Variants in PHF20 observed in about 807,000 individuals in gnomAD.
The protein encoded by PHF20 is PHD finger protein 20.
PHF20 carries 23 observed loss-of-function variants against 113.5 expected under a neutral mutation model. The ratio of observed to expected loss-of-function variants is 0.20; its 90% CI spans 0.15 to 0.29. The LOEUF (loss-of-function observed/expected upper bound fraction) is 0.29, where lower values mean the gene tolerates loss of function less well. Ranked by LOEUF, PHF20 falls within the 10% of genes least tolerant of loss-of-function variation. The pLI is 1.00. For synonymous variants in PHF20, 434 were observed against 457.3 expected, an observed-to-expected ratio of 0.95 and a Z score of 0.65; for missense variants, 943 against 1,219.6, an observed-to-expected ratio of 0.77 and a Z score of 3.38.
chr20:35,903,021 C>CTTT (rs370237613), intron 10 of PHF20, among the ~76,000 whole-genome samples: 42 of 91,492 alleles, frequency 4.6e-4, no homozygotes, highest in African/African-American at 8.8e-4. Context: ...TTTCTTTTTT[C>CTTT]TTTTTTTTTT....
chr20:35,843,924 A>G (rs367560128), intron 3 of PHF20, among the ~76,000 whole-genome samples: 2 of 152,082 alleles, frequency 1.3e-5, no homozygotes, highest in African/African-American at 4.8e-5. Flanking sequence ...ACTGTATTCC[A>G]TTTTTCTAAA....
chr20:35,833,010 C>A (rs1436374213), intron 2 of PHF20, among the ~76,000 whole-genome samples: 4 of 145,648 alleles, frequency 2.7e-5, no homozygotes, highest in Admixed American at 1.4e-4. Flanking sequence ...GAGATCACAC[C>A]ACTGTACTCC....
At chr20:35,899,257 C>A in intron 9 of PHF20, 113 bp from the exon 10 acceptor site, 2 of 826,166 alleles carry the variant, frequency 2.4e-6, no homozygotes, top group Non-Finnish European at 3.7e-6. Context: ...TCTGATGTCT[C>A]AGGCTACATT....
chr20:35,893,177 G>A (rs1053386535), intron 9 of PHF20, among the ~76,000 whole-genome samples: 3 of 152,230 alleles, frequency 2.0e-5, no homozygotes, highest in Non-Finnish European at 4.4e-5. Flanking sequence ...AGGAATCAAG[G>A]ATTTTGCTTT....
chr20:35,859,630 C>G lies in PHF20; in HGVS notation c.420+1249C>G, dbSNP rs139471326. 8.9e-3 allele frequency among the ~76,000 whole-genome samples: 1,345 copies of G among 151,846 alleles called. 23 individuals carry two copies. The highest frequency in any genetic ancestry group is 0.031 in the African/African-American group (1,287 of 41,430). ...CGCAATCTTGGCCCACTGCAACTTCCCCGCCTCCCCAGTTCAAGTGATTCT... is the reference window on the plus strand; with the variant it reads ...CGCAATCTTGGCCCACTGCAACTTCGCCGCCTCCCCAGTTCAAGTGATTCT... On this transcript the variant is annotated intron_variant, in intron 5 of 17. Transcript: ENST00000374012.
chr20:35,884,514 T>G (rs1219141086), intron 9 of PHF20, among the ~76,000 whole-genome samples: 1 of 152,202 alleles, frequency 6.6e-6, no homozygotes, highest in Non-Finnish European at 1.5e-5. Flanking sequence ...AGCCTTGAAA[T>G]GTTCACCAGG....
chr20:35,822,846 T>TA (rs780275666), intron 2 of PHF20, among the ~76,000 whole-genome samples: 1,356 of 55,484 alleles, frequency 0.024, 96 homozygotes, highest in African/African-American at 0.078. Flanking sequence ...ACCCTGCTTC[T>TA]AAAAAAAAAA....
At chr20:35,893,142 C>T (rs1319740147) in intron 9 of PHF20, among the ~76,000 whole-genome samples, 2 of 152,230 alleles carry the variant, frequency 1.3e-5, no homozygotes, top group Non-Finnish European at 2.9e-5. Flanking sequence ...GGAGTTTCAG[C>T]TGTACTAACT....
At chr20:35,862,425 G>A (rs2054234245) in intron 5 of PHF20, among the ~76,000 whole-genome samples, 1 of 152,190 alleles carries the variant, frequency 6.6e-6, no homozygotes, top group South Asian at 2.1e-4. Flanking sequence ...TTGTCAGAAA[G>A]ATTGCTTTCC....
At chr20:35,931,219 G>A in intron 14 of PHF20, 30 bp from the exon 15 acceptor site, 1 of 1,565,086 alleles carries the variant, frequency 6.4e-7, no homozygotes, top group East Asian at 2.3e-5. Context: ...TTCAGGCCTT[G>A]TTTTAACCCT....
chr20:35,925,528 T>C (rs2055611687), intron 13 of PHF20, among the ~76,000 whole-genome samples: 2 of 151,692 alleles, frequency 1.3e-5, no homozygotes, highest in African/African-American at 4.8e-5. Context: ...CCTCCCAAAG[T>C]GCTGGCTGGG....
At chr20:35,837,295 A>G (rs975512268) in intron 2 of PHF20, among the ~76,000 whole-genome samples, 6 of 152,142 alleles carry the variant, frequency 3.9e-5, no homozygotes, top group Non-Finnish European at 5.9e-5. Context: ...TAAAGCAAAA[A>G]TCTCTTGGTT....
At position 35,858,390 on chromosome 20, in the gene PHF20, T is replaced by C; in HGVS notation, c.420+9T>C. 1 of 1,486,910 alleles carries C rather than the reference T, an allele frequency of 6.7e-7. No homozygotes were observed. 92.1% of individuals were successfully genotyped at this position (1,486,910 alleles called of 1,614,324 possible). Reference sequence around the variant, plus strand: ...CTTTTTCCAAAGATCAGGTGAGAAATGTGGTTTTGTGCTTTGTGTTATGAA... The same window carrying C: ...CTTTTTCCAAAGATCAGGTGAGAAACGTGGTTTTGTGCTTTGTGTTATGAA... On this transcript the variant is annotated intron_variant, in intron 5 of 17. Transcript: ENST00000374012.
At chr20:35,848,521 G>T (rs1006032398) in intron 4 of PHF20, among the ~76,000 whole-genome samples, 1 of 152,070 alleles carries the variant, frequency 6.6e-6, no homozygotes, top group Non-Finnish European at 1.5e-5. Context: ...AAAGTTTTGG[G>T]ATTATAAGCG....
intron 17 of PHF20, among the ~76,000 whole-genome samples, chr20:35,942,374 TGA>T (rs2055999764): frequency 6.6e-6 from 1 of 152,106 alleles, no homozygotes; most frequent in Non-Finnish European, 1.5e-5. Context: ...GTGTAGCTCT[TGA>T]GAGAATGGCA....
chr20:35,894,185 G>C (rs1244032255), intron 9 of PHF20, among the ~76,000 whole-genome samples: 1 of 152,172 alleles, frequency 6.6e-6, no homozygotes, highest in Non-Finnish European at 1.5e-5. Flanking sequence ...CCCAGCCAGG[G>C]CATATGAAGA....
intron 10 of PHF20, among the ~76,000 whole-genome samples, chr20:35,901,732 A>G (rs1315278521): frequency 1.3e-5 from 2 of 152,158 alleles, no homozygotes; most frequent in Admixed American, 6.5e-5. Flanking sequence ...CATCGGATCG[A>G]TCTTTAAGAG....
chr20:35,862,990 C>G (rs912989836), intron 5 of PHF20, 23 bp from the exon 6 acceptor site: 34 of 1,534,762 alleles, frequency 2.2e-5, no homozygotes, highest in Non-Finnish European at 2.4e-5. Context: ...CGAAGTGTTT[C>G]ATCGCTATTT....
chr20:35,933,063 G>T (rs866223009), intron 15 of PHF20, among the ~76,000 whole-genome samples: 22 of 150,932 alleles, frequency 1.5e-4, no homozygotes, highest in African/African-American at 4.4e-4. Flanking sequence ...CTTGTTTTAT[G>T]TGTATGCCAC....
Sources: gnomAD v4.1 joint callset for allele counts (sites outside exome capture counted in the v4.1 genomes callset) on GRCh38, gnomAD v4.1.1 for gene constraint, MANE v1.5 for transcripts, NCBI Gene and HGNC (gene_info 2026-07-23, HGNC 2026-07-21) for gene names.